ALG5: variants seen among roughly 807,000 people sequenced by gnomAD.
The protein encoded by ALG5 is dolichyl-phosphate beta-glucosyltransferase.
ALG5 carries 26 observed loss-of-function variants against 51.8 expected under a neutral mutation model. That is an observed-to-expected ratio of 0.50 (90% CI 0.37 to 0.70). ALG5 has a LOEUF of 0.70. Ranked by LOEUF, ALG5 falls within the 30% of genes least tolerant of loss-of-function variation. The pLI, the probability that ALG5 is intolerant of heterozygous loss-of-function variation, is 0.00. For synonymous variants in ALG5, 141 were observed against 136.1 expected, an observed-to-expected ratio of 1.04 and a Z score of -0.25; for missense variants, 311 against 399.3, an observed-to-expected ratio of 0.78 and a Z score of 1.88.
chr13:36,989,403 T>C (rs529667556), intron 5 of ALG5, 81 bp downstream of exon 5: 68 of 997,294 alleles, frequency 6.8e-5, no homozygotes, highest in Non-Finnish European at 1.0e-4. Flanking sequence ...ATTCAAGCAG[T>C]GGGCAAACAT....
chr13:36,966,287 T>C (rs559516720), intron 7 of ALG5, among the ~76,000 whole-genome samples: 1 of 152,200 alleles, frequency 6.6e-6, no homozygotes, highest in Non-Finnish European at 1.5e-5. Flanking sequence ...ATTTAAAATA[T>C]TGAGTTCTTT....
At chr13:36,981,293 T>G (rs1035710722) in intron 6 of ALG5, among the ~76,000 whole-genome samples, 5 of 152,040 alleles carry the variant, frequency 3.3e-5, no homozygotes, top group African/African-American at 1.2e-4. Flanking sequence ...ACTAAAGAAA[T>G]GACTTAAATG....
At chr13:36,974,225 T>C (rs1008002448) in intron 6 of ALG5, among the ~76,000 whole-genome samples, 24 of 152,170 alleles carry the variant, frequency 1.6e-4, no homozygotes, top group African/African-American at 5.5e-4. Context: ...AGTATGCATC[T>C]TCCCAATAAA....
intron 6 of ALG5, among the ~76,000 whole-genome samples, chr13:36,983,346 A>G (rs1454737411): frequency 6.6e-6 from 1 of 152,234 alleles, no homozygotes; most frequent in Non-Finnish European, 1.5e-5. Flanking sequence ...ATGATTTACT[A>G]AGATGTTGGA....
rs1041438808 is a variant in ALG5 at position 36,949,849 on chromosome 13, G to T, written c.*93C>A. 4.6e-6 allele frequency: 3 copies of T among 652,690 alleles called. No homozygotes were observed. The highest frequency in any genetic ancestry group is 3.7e-5 in the African/African-American group (2 of 53,662). 40.4% of individuals were successfully genotyped at this position (652,690 alleles called of 1,614,324 possible). A position where few individuals can be genotyped will look rare whatever the true frequency, so the allele number is the denominator to read the frequency against. ...ATTATCAAAAGGCAGACAATGACAA[G>T]AAGTTTATTTCAGCTTTACTTAAAA... On this transcript the variant is annotated 3_prime_UTR_variant, in exon 10 of 10. Transcript: ENST00000239891.
At chr13:36,950,934 G>C (rs901397367) in intron 9 of ALG5, among the ~76,000 whole-genome samples, 2 of 152,054 alleles carry the variant, frequency 1.3e-5, no homozygotes, top group Admixed American at 6.6e-5. Context: ...TGCAGATAAA[G>C]TATCAGGAGG....
chr13:36,990,867 T>C (rs1187843092), intron 4 of ALG5, among the ~76,000 whole-genome samples: 1 of 152,208 alleles, frequency 6.6e-6, no homozygotes, highest in Non-Finnish European at 1.5e-5. Context: ...CATGCTATCC[T>C]CACACCTTCC....
At chr13:36,954,180 TG>T (rs1206000284) in intron 8 of ALG5, among the ~76,000 whole-genome samples, 1 of 152,152 alleles carries the variant, frequency 6.6e-6, no homozygotes, top group African/African-American at 2.4e-5. Context: ...TCAACCTCCC[TG>T]GACTCAGGTG....
chr13:36,963,647 C>T (rs2058878526), intron 8 of ALG5, among the ~76,000 whole-genome samples: 1 of 151,584 alleles, frequency 6.6e-6, no homozygotes, highest in Non-Finnish European at 1.5e-5. Flanking sequence ...AATTTGACAA[C>T]TAATGTAGAC....
intron 2 of ALG5, 139 bp from the exon 3 acceptor site, chr13:36,995,174 A>G (rs1390368402): frequency 1.2e-6 from 1 of 822,200 alleles, no homozygotes; most frequent in Admixed American, 2.6e-5. Flanking sequence ...CCCATCTGAA[A>G]TCCTGCCTTC....
In ALG5 at chr13:36,999,267, C is replaced by T. The variant is rs1178402827; in HGVS notation, c.34G>A (p.Gly12Ser). 6.3e-7 allele frequency: 1 copy of T among 1,580,252 alleles called. No individual in the cohort carries two copies. The highest frequency in any genetic ancestry group is 8.6e-7 in the Non-Finnish European group (1 of 1,166,192). ...AGGGCTGCGGCCGCCAGCGCCGCGC[C>T]GAGCACCGCCAGCTGCAACAGAAGC... ...APLLLQLAVLGAALAAAALVL... is the reference protein window; with the variant it reads ...APLLLQLAVLSAALAAAALVL... The change falls in exon 1 of 10, where the codon GGC (glycine) becomes AGC (serine). Residue 12 changes from glycine (G) to serine (S), a missense_variant. Physicochemically the swap from Gly to Ser is moderately conservative, Grantham distance 56 (BLOSUM62 0). Transcript: ENST00000239891.
At chr13:36,972,513 T>C (rs549919293) in intron 6 of ALG5, among the ~76,000 whole-genome samples, 3 of 39,516 alleles carry the variant, frequency 7.6e-5, no homozygotes, top group East Asian at 0.1. Context: ...TCACAAGATA[T>C]AATCGAAGCA....
chr13:36,957,746 C>T (rs992153790), intron 8 of ALG5, among the ~76,000 whole-genome samples: 4 of 152,228 alleles, frequency 2.6e-5, no homozygotes, highest in South Asian at 2.1e-4. Flanking sequence ...GACCAAGAGA[C>T]GGCCAAGTTA....
intron 3 of ALG5, among the ~76,000 whole-genome samples, chr13:36,993,970 T>C (rs1365161865): frequency 6.6e-6 from 1 of 152,156 alleles, no homozygotes; most frequent in Non-Finnish European, 1.5e-5. Flanking sequence ...TATAGCACAT[T>C]TGAGAGGGTA....
intron 9 of ALG5, among the ~76,000 whole-genome samples, chr13:36,951,317 T>C (rs2058817077): frequency 6.6e-6 from 1 of 152,244 alleles, no homozygotes; most frequent in Admixed American, 6.5e-5. Context: ...TCCCCTTTGA[T>C]TCTAGGCAGC....
chr13:36,990,116 A>G (rs2059019482), intron 4 of ALG5, among the ~76,000 whole-genome samples: 1 of 152,154 alleles, frequency 6.6e-6, no homozygotes. Flanking sequence ...TGCTGGCTCC[A>G]CAGCCTCAGA....
In ALG5 at chr13:36,952,571, C is replaced by T. The variant is rs886092660; in HGVS notation, c.802G>A (p.Ala268Thr). 1.9e-6 allele frequency: 3 copies of T among 1,595,832 alleles called. No individual in the cohort carries two copies. The highest frequency in any genetic ancestry group is 2.6e-6 in the Non-Finnish European group (3 of 1,173,400). Residue 268 changes from alanine to threonine, a missense_variant, in exon 9 of 10, where the codon GCA (alanine) becomes ACA (threonine). Coordinates refer to ENST00000239891, the MANE Select transcript of ALG5 (RefSeq NM_013338.5). Reference protein sequence around the residue: ...WAFDVELLYIAQFFKIPIAEI... With the variant: ...WAFDVELLYITQFFKIPIAEI... ...GCTATTGGAATTTTAAAGAACTGTG[C>T]TATGTACAGTAGTTCTACATCAAAT...
chr13:36,986,590 T>C (rs750835446), intron 5 of ALG5, among the ~76,000 whole-genome samples: 6 of 152,164 alleles, frequency 3.9e-5, no homozygotes, highest in Non-Finnish European at 8.8e-5. Flanking sequence ...AGCTAACTAG[T>C]TAGTATCTGT....
chr13:36,953,150 G>A (rs573454847), intron 8 of ALG5, among the ~76,000 whole-genome samples: 1 of 151,960 alleles, frequency 6.6e-6, no homozygotes, highest in Non-Finnish European at 1.5e-5. Context: ...ATATAATACT[G>A]GCAACTATTG....
Sources: gnomAD v4.1 joint callset for allele counts (sites outside exome capture counted in the v4.1 genomes callset) on GRCh38, gnomAD v4.1.1 for gene constraint, MANE v1.5 for transcripts, NCBI Gene and HGNC (gene_info 2026-07-23, HGNC 2026-07-21) for gene names.